The following NFX1 variants were observed in gnomAD, a reference collection of about 807,000 sequenced individuals.
The protein encoded by NFX1 is transcriptional repressor NF-X1.
A neutral mutation model predicts 137.2 loss-of-function variants in NFX1; 69 were observed. That is an observed-to-expected ratio of 0.50 (90% CI 0.41 to 0.61). The LOEUF (loss-of-function observed/expected upper bound fraction) is 0.61. Among genes scored for constraint, NFX1 ranks in the 20% least tolerant of loss-of-function variants. The probability of loss-of-function intolerance (pLI) is 0.00; values close to 1 mark genes in which losing one functional copy is unlikely to be tolerated. For synonymous variants in NFX1, 495 were observed against 474.1 expected (o/e 1.04, Z -0.57); for missense variants, 1,167 against 1,391.0 (o/e 0.84, Z 2.56).
chr9:33,356,284 A>C (rs1332851565), intron 19 of NFX1, among the ~76,000 whole-genome samples: 1 of 152,166 alleles, frequency 6.6e-6, no homozygotes, highest in Non-Finnish European at 1.5e-5. Flanking sequence ...CTCATTTTTG[A>C]AGTGCCTGTA....
Position 33,366,685 on chromosome 9 carries a change from G to C in NFX1, c.3096G>C (p.Arg1032=), listed in dbSNP as rs763905305. The part of the protein sequence containing the change: ...SFPPMNRDHR[R]IIHDLAQVYG... ...CTCCCATGAACAGAGACCACCGCCGGATCATCCATGACTTGGCCCAAGTTT... is the reference window on the plus strand; with the variant it reads ...CTCCCATGAACAGAGACCACCGCCGCATCATCCATGACTTGGCCCAAGTTT... The change falls in exon 22 of 24, where the codon CGG becomes CGC. Residue 1032 remains arginine (R), a synonymous_variant. Transcript: ENST00000379540. 8 of 1,614,200 alleles carry C rather than the reference G, an allele frequency of 5.0e-6. No homozygotes were observed. In the South Asian group the frequency reaches 7.7e-5, roughly 16 times the overall value.
At chr9:33,298,610 T>C (rs113189575) in intron 2 of NFX1, among the ~76,000 whole-genome samples, 3,121 of 152,236 alleles carry the variant, frequency 0.021, 55 homozygotes, top group Non-Finnish European at 0.03. Flanking sequence ...AGACCCCATC[T>C]CTGCAAAAGG....
At chr9:33,369,063 T>A (rs1474539481) in intron 23 of NFX1, among the ~76,000 whole-genome samples, 1 of 152,078 alleles carries the variant, frequency 6.6e-6, no homozygotes, top group Non-Finnish European at 1.5e-5. Context: ...TGCTATCTTT[T>A]TTCTTTTTTT....
In NFX1 at chr9:33,313,689, A is replaced by G. The variant is rs374420266; in HGVS notation, c.1484A>G (p.His495Arg). 6.2e-7 allele frequency: 1 copy of G among 1,614,134 alleles called. No homozygotes were observed. Among genetic ancestry groups the G allele is most frequent in the East Asian group, 2.2e-5 (1 of 44,884 alleles). Residue 495 changes from histidine (H) to arginine (R), a missense_variant, in exon 7 of 24, where the codon CAC (histidine) becomes CGC (arginine). His to Arg is a conservative substitution (Grantham distance 29, BLOSUM62 0). Around this residue, in one of 3 missense-constraint regions of NFX1, gnomAD observed 488 missense variants for 691.5 expected, o/e 0.71. Coordinates refer to ENST00000379540, the MANE Select transcript of NFX1 (RefSeq NM_002504.6). The stretch of plus-strand genomic sequence containing the variant: ...CGCTGTGGTCAGGCTGTCTCAGTCC[A>G]CTGTTCTAACCCATGTGAGAATATT... ...TVRCGQAVSV[H>R]CSNPCENILN...
At chr9:33,313,629 G>C in intron 6 of NFX1, 25 bp from the exon 7 acceptor site, 2 of 1,611,846 alleles carry the variant, frequency 1.2e-6, no homozygotes, top group Non-Finnish European at 1.7e-6. Context: ...CACTGATGCT[G>C]TCTTTACATC....
intron 12 of NFX1, among the ~76,000 whole-genome samples, chr9:33,339,625 A>G (rs1229373618): frequency 6.6e-6 from 1 of 152,238 alleles, no homozygotes; most frequent in African/African-American, 2.4e-5. Flanking sequence ...TTTCAGCATT[A>G]ACGCAAAAGT....
chr9:33,366,360 G>C (rs982699973), intron 21 of NFX1, among the ~76,000 whole-genome samples: 1 of 152,144 alleles, frequency 6.6e-6, no homozygotes, highest in Non-Finnish European at 1.5e-5. Flanking sequence ...CCATTATGCT[G>C]TCTACCTAAG....
rs1823332928 is a variant in NFX1 at position 33,344,310 on chromosome 9, A to G, written c.2344+122A>G. On this transcript the variant is annotated intron_variant, in intron 14 of 23. Transcript: ENST00000379540. ...GATGGCTGCCCCTTGCTCCCGGCTC[A>G]GGGGCTGGTTCTCTGAAGGTGGGTC... 9 of 1,386,436 alleles carry G rather than the reference A, an allele frequency of 6.5e-6. No homozygotes were observed. The Admixed American group carries it at 7.4e-5, about 11-fold the overall frequency. 85.9% of individuals were successfully genotyped at this position (1,386,436 alleles called of 1,614,324 possible).
intron 10 of NFX1, 40 bp downstream of exon 10, chr9:33,328,718 T>C (rs1822689237): frequency 6.6e-7 from 1 of 1,507,444 alleles, no homozygotes; most frequent in Admixed American, 1.7e-5. Context: ...CCATCAATGT[T>C]TTCTTTAAAA....
Position 33,346,989 on chromosome 9 carries a change from A to C in NFX1, c.2345-49A>C. On this transcript the variant is annotated intron_variant, in intron 14 of 23. Transcript: ENST00000379540. Reference sequence around the variant, plus strand: ...ACTTATATGATGTATAATGGTTTACATGGCTTTATTTAGAAAGTATTCCTA... The same window carrying C: ...ACTTATATGATGTATAATGGTTTACCTGGCTTTATTTAGAAAGTATTCCTA... 3 of 1,477,064 alleles carry C rather than the reference A, an allele frequency of 2.0e-6. No individual in the cohort carries two copies. The South Asian group carries it at 3.5e-5, about 17-fold the overall frequency. 91.5% of individuals were successfully genotyped at this position (1,477,064 alleles called of 1,614,324 possible). A position where few individuals can be genotyped will look rare whatever the true frequency, so the allele number is the denominator to read the frequency against.
chr9:33,312,162 C>T (rs367736768), intron 6 of NFX1, among the ~76,000 whole-genome samples: 1 of 152,046 alleles, frequency 6.6e-6, no homozygotes, highest in African/African-American at 2.4e-5. Context: ...CGGTGAGGTG[C>T]GTTTGTTTAG....
intron 10 of NFX1, among the ~76,000 whole-genome samples, chr9:33,330,645 G>A (rs921369208): frequency 1.3e-5 from 2 of 152,140 alleles, no homozygotes; most frequent in African/African-American, 4.8e-5. Flanking sequence ...GGAAGTGGCT[G>A]CTGTCAGTTT....
chr9:33,323,798 A>G (rs1822476675), intron 9 of NFX1, among the ~76,000 whole-genome samples: 1 of 152,114 alleles, frequency 6.6e-6, no homozygotes, highest in East Asian at 1.9e-4. Flanking sequence ...AATATCTTCA[A>G]AGAATTGAAG....
chr9:33,319,114 T>G lies in NFX1; in HGVS notation c.1893T>G (p.Pro631=), dbSNP rs1235129822. 1.9e-6 allele frequency: 3 copies of G among 1,614,196 alleles called. No individual in the cohort carries two copies. Among genetic ancestry groups the G allele is most frequent in the South Asian group, 2.2e-5 (2 of 91,082 alleles). ...GAAAAGTGTGCGGCAAGCCTCTGCC[T>G]TGTGGTTCCTTAGGTAACTAGTAAG... The part of the protein sequence containing the change: ...SCGKVCGKPL[P]CGSLDFIHTC... Residue 631 remains proline, a synonymous_variant, in exon 9 of 24, where the codon CCT becomes CCG. Coordinates refer to ENST00000379540, the MANE Select transcript of NFX1 (RefSeq NM_002504.6).
At chr9:33,311,708 G>C (rs892344413) in intron 6 of NFX1, among the ~76,000 whole-genome samples, 1 of 151,990 alleles carries the variant, frequency 6.6e-6, no homozygotes, top group Non-Finnish European at 1.5e-5. Flanking sequence ...GCCTGCCACC[G>C]CACCTGGCTA....
chr9:33,351,954 C>T (rs1297914015), intron 16 of NFX1, 164 bp downstream of exon 16: 19 of 632,874 alleles, frequency 3.0e-5, no homozygotes, highest in Non-Finnish European at 4.3e-5. Context: ...CAAGTTTCTG[C>T]CTGCCCAACT....
chr9:33,329,992 C>T (rs1822742977), intron 10 of NFX1, among the ~76,000 whole-genome samples: 1 of 152,076 alleles, frequency 6.6e-6, no homozygotes, highest in Admixed American at 6.6e-5. Context: ...TGGGGTTTCA[C>T]CATGTTGGCC....
chr9:33,369,035 A>G (rs1824250765), intron 23 of NFX1, among the ~76,000 whole-genome samples: 1 of 152,038 alleles, frequency 6.6e-6, no homozygotes. Flanking sequence ...ATGTGGAGTT[A>G]TTGGCCCGTT....
intron 9 of NFX1, among the ~76,000 whole-genome samples, chr9:33,321,425 G>A (rs1822379803): frequency 2.0e-5 from 3 of 152,132 alleles, no homozygotes; most frequent in South Asian, 4.1e-4. Flanking sequence ...AGCTCGCTTA[G>A]GTCTTTTGTA....
Sources: allele counts gnomAD v4.1 joint callset (sites outside exome capture counted in the v4.1 genomes callset), GRCh38; gene constraint gnomAD v4.1.1; regional missense constraint gnomAD v4.1.1; transcripts MANE v1.5; gene names NCBI Gene and HGNC (gene_info 2026-07-23, HGNC 2026-07-21).